MYO1B: variants seen among roughly 807,000 people sequenced by gnomAD.
MYO1B encodes the protein myosin IB, also known as unconventional myosin-Ib.
MYO1B carries 72 observed loss-of-function variants against 159.7 expected under a neutral mutation model. The ratio of observed to expected loss-of-function variants is 0.45; its 90% confidence interval spans 0.37 to 0.55. The LOEUF is 0.55. MYO1B is among the 20% of genes least tolerant of loss of function. MYO1B has a pLI of 0.00. For missense variants in MYO1B, 1,062 were observed against 1,364.8 expected (o/e 0.78, Z 3.50); for synonymous variants, 468 against 473.8 (o/e 0.99, Z 0.16).
chr2:191,343,202 T>C (rs1692336129), intron 5 of MYO1B, among the ~76,000 whole-genome samples: 1 of 152,174 alleles, frequency 6.6e-6, no homozygotes, highest in Non-Finnish European at 1.5e-5. Context: ...GGTAGTTTGG[T>C]GGAAACTTTT....
At chr2:191,280,130 ACT>A (rs2125755264) in intron 2 of MYO1B, among the ~76,000 whole-genome samples, 1 of 152,020 alleles carries the variant, frequency 6.6e-6, no homozygotes, top group African/African-American at 2.4e-5. Context: ...ATGAGTTACG[ACT>A]CTCTAGAACA....
chr2:191,392,988 G>A, intron 19 of MYO1B, 85 bp from the exon 20 acceptor site: 1 of 1,199,304 alleles, frequency 8.3e-7, no homozygotes, highest in Non-Finnish European at 1.2e-6. Context: ...CAACATGATG[G>A]CATTTTGTCT....
At chr2:191,256,648 C>A (rs936680121) in intron 1 of MYO1B, among the ~76,000 whole-genome samples, 4 of 152,026 alleles carry the variant, frequency 2.6e-5, no homozygotes, top group Non-Finnish European at 5.9e-5. Flanking sequence ...TTACTTTTAA[C>A]TCTCTATTTT....
In MYO1B at chr2:191,424,377, A is replaced by G. The variant is rs1194441316; in HGVS notation, c.*417A>G. 1 of 155,862 alleles carries G rather than the reference A, an allele frequency of 6.4e-6. No homozygotes were observed. The highest frequency in any genetic ancestry group is 1.4e-5 in the Non-Finnish European group (1 of 70,520). The allele number at this position is 155,862 out of a possible 1,614,324, so 9.7% of individuals were successfully genotyped here. On this transcript the variant is annotated 3_prime_UTR_variant, in exon 31 of 31. Transcript: ENST00000392318. Reference sequence around the variant, plus strand: ...GTGCTAGATGGTATGAAAACTTATTAGGAACCTTTTTGTTTTTGAGACCAT... The same window carrying G: ...GTGCTAGATGGTATGAAAACTTATTGGGAACCTTTTTGTTTTTGAGACCAT...
chr2:191,386,160 G>A (rs567970203), intron 16 of MYO1B, 76 bp downstream of exon 16: 73 of 1,366,586 alleles, frequency 5.3e-5, no homozygotes, highest in Middle Eastern at 2.1e-4. Context: ...AGAGATGGGC[G>A]TTCGAAACCC....
At position 191,300,557 on chromosome 2, in the gene MYO1B, TG is replaced by T. The variant is rs902123075; in HGVS notation, c.251+4333del. Among the ~76,000 whole-genome samples the T allele has an allele frequency of 2.2e-4, 33 of 151,232 alleles. 1 individual carries two copies. Among genetic ancestry groups the T allele is most frequent in the Admixed American group, 1.6e-3 (24 of 15,120 alleles). On this transcript the variant is annotated intron_variant, in intron 3 of 30. Coordinates refer to ENST00000392318, the MANE Select transcript of MYO1B (RefSeq NM_001130158.3). Reference sequence around the variant, plus strand: ...CAGGTTTTCACCATATTGGCCAGGCTGGTCTCGAACTCCTGACCTCATGATC... The same window carrying T: ...CAGGTTTTCACCATATTGGCCAGGCTGTCTCGAACTCCTGACCTCATGATC...
At chr2:191,312,758 T>C (rs764017540) in intron 3 of MYO1B, among the ~76,000 whole-genome samples, 3 of 152,206 alleles carry the variant, frequency 2.0e-5, no homozygotes, top group Non-Finnish European at 4.4e-5. Context: ...TACAGAAATA[T>C]AAATAGAAGT....
At chr2:191,300,912 A>G (rs7588555) in intron 3 of MYO1B, among the ~76,000 whole-genome samples, 80,478 of 151,934 alleles carry the variant, frequency 0.53, 22,058 homozygotes, top group East Asian at 0.65. Context: ...TCCATTTTGT[A>G]TAAGTATATG....
intron 2 of MYO1B, among the ~76,000 whole-genome samples, 185 bp from the exon 3 acceptor site, chr2:191,295,926 C>T (rs888157790): frequency 7.9e-5 from 12 of 152,054 alleles, no homozygotes; most frequent in Non-Finnish European, 1.6e-4. Context: ...TATCAACAAA[C>T]TAAATAGACA....
chr2:191,289,455 G>A (rs1189298578), intron 2 of MYO1B, among the ~76,000 whole-genome samples: 1 of 152,146 alleles, frequency 6.6e-6, no homozygotes. Context: ...TTGGGGATTT[G>A]GGAGTAGTTT....
At chr2:191,294,666 T>C (rs1688875065) in intron 2 of MYO1B, among the ~76,000 whole-genome samples, 1 of 150,970 alleles carries the variant, frequency 6.6e-6, no homozygotes, top group Admixed American at 6.6e-5. Context: ...TGATAGAATG[T>C]TAGAAATAAA....
rs1228065858 is a variant in MYO1B, at chr2:191,350,170, T to C, written c.507T>C (p.Tyr169=). The C allele has an allele frequency of 1.2e-6, 2 of 1,612,614 alleles. No individual in the cohort carries two copies. Among genetic ancestry groups the C allele is most frequent in the African/African-American group, 1.3e-5 (1 of 74,894 alleles). The stretch of plus-strand genomic sequence containing the variant: ...AAATCTTTCTTTGGCAGGGCAAATA[T>C]ATGGATATTGAATTTGACTTTAAAG... ...RNDNSSRFGK[Y]MDIEFDFKGD... The change falls in exon 7 of 31, where the codon TAT becomes TAC. Residue 169 remains tyrosine (Y), a synonymous_variant. Coordinates refer to ENST00000392318, the MANE Select transcript of MYO1B (RefSeq NM_001130158.3).
intron 25 of MYO1B, 80 bp downstream of exon 25, chr2:191,408,269 CT>C: frequency 4.0e-6 from 4 of 994,818 alleles, no homozygotes; most frequent in Non-Finnish European, 4.6e-6. Flanking sequence ...TAAAATGTGC[CT>C]TTTCCTAAAT....
chr2:191,287,278 A>T (rs1688431121), intron 2 of MYO1B, among the ~76,000 whole-genome samples: 1 of 152,172 alleles, frequency 6.6e-6, no homozygotes, highest in South Asian at 2.1e-4. Flanking sequence ...CTGCAATCCC[A>T]GCAAGTTGAG....
intron 14 of MYO1B, among the ~76,000 whole-genome samples, chr2:191,382,289 T>G (rs1459436493): frequency 1.3e-5 from 2 of 152,184 alleles, no homozygotes; most frequent in Admixed American, 6.5e-5. Context: ...TTTAAGCCAT[T>G]AAGGACACTG....
At position 191,396,477 on chromosome 2, in the gene MYO1B, T is replaced by A; in HGVS notation, c.2275T>A (p.Ser759Thr). Residue 759 changes from serine (S) to threonine (T), a missense_variant, in exon 21 of 31, where the codon TCT (serine) becomes ACT (threonine). Physicochemically the swap from Ser to Thr is moderately conservative, Grantham distance 58. This residue lies in a region of MYO1B where 609 missense variants were observed against 744.4 expected (regional missense o/e 0.82). Transcript: ENST00000392318. ...QTKSSALVIQ[S>T]YIRGWKARKI... ...AAAGAGTTCCGCCTTAGTAATTCAG[T>A]CTTATATCCGGGGTTGGAAGGTGAG... 2 of 1,614,168 alleles carry A rather than the reference T, an allele frequency of 1.2e-6. No homozygotes were observed. The highest frequency in any genetic ancestry group is 1.7e-6 in the Non-Finnish European group (2 of 1,180,014).
intron 1 of MYO1B, among the ~76,000 whole-genome samples, chr2:191,266,987 G>A (rs1213350979): frequency 1.3e-5 from 2 of 152,100 alleles, no homozygotes; most frequent in African/African-American, 4.8e-5. Flanking sequence ...GGGATTGAGG[G>A]TGGTTGATTA....
intron 24 of MYO1B, among the ~76,000 whole-genome samples, chr2:191,404,107 A>T (rs1049419089): frequency 6.6e-6 from 1 of 152,178 alleles, no homozygotes; most frequent in African/African-American, 2.4e-5. Context: ...AGAATATAAT[A>T]ATTTTGTACT....
intron 4 of MYO1B, among the ~76,000 whole-genome samples, chr2:191,336,149 A>G (rs1488431061): frequency 1.3e-5 from 2 of 152,164 alleles, no homozygotes; most frequent in Non-Finnish European, 2.9e-5. Flanking sequence ...GATGATCCCA[A>G]CGTTAGGAAA....
Sources: gnomAD v4.1 joint callset for allele counts (sites outside exome capture counted in the v4.1 genomes callset) on GRCh38, gnomAD v4.1.1 for gene constraint, gnomAD v4.1.1 regional missense constraint, MANE v1.5 for transcripts, NCBI Gene and HGNC (gene_info 2026-07-23, HGNC 2026-07-21) for gene names.